RALYL: variants seen among roughly 807,000 people sequenced by gnomAD.
The protein encoded by RALYL is RALY RNA binding protein like, also known as RNA-binding Raly-like protein.
A neutral mutation model predicts 35.1 loss-of-function variants in RALYL; 29 were observed. The observed-to-expected ratio is 0.83, with a 90% CI of 0.61 to 1.13. The LOEUF is 1.13. RALYL is among the 50% of genes most tolerant of loss of function. RALYL has a pLI of 0.00. For synonymous variants in RALYL, 120 were observed against 127.6 expected (o/e 0.94, Z 0.40); for missense variants, 359 against 360.4 (o/e 1.00, Z 0.03).
rs149488948 is a variant in RALYL at position 84,903,361 on chromosome 8, T to C, written c.858+15585T>C. Reference sequence around the variant, plus strand: ...AGAAGGGTTTGTCATTATTTAGCCATACAAAATCTGACCACAAATTCTAGA... The same window carrying C: ...AGAAGGGTTTGTCATTATTTAGCCACACAAAATCTGACCACAAATTCTAGA... On this transcript the variant is annotated intron_variant, in intron 8 of 8. Transcript: ENST00000521268. Among the ~76,000 whole-genome samples, 323 of 152,308 alleles carry C rather than the reference T, an allele frequency of 2.1e-3. 1 individual carries two copies. Among genetic ancestry groups the C allele is most frequent in the African/African-American group, 7.3e-3 (303 of 41,576 alleles).
At chr8:84,848,740 G>C (rs1433288668) in intron 4 of RALYL, among the ~76,000 whole-genome samples, 3 of 152,144 alleles carry the variant, frequency 2.0e-5, no homozygotes, top group Non-Finnish European at 4.4e-5. Flanking sequence ...TTTTGTGAAT[G>C]TACTTAACGC....
intron 2 of RALYL, among the ~76,000 whole-genome samples, chr8:84,562,642 C>A (rs2061536637): frequency 6.7e-6 from 1 of 148,806 alleles, no homozygotes; most frequent in Non-Finnish European, 1.5e-5. Flanking sequence ...CTACTTGCCA[C>A]TTTTGCCTTT....
chr8:84,888,672 T>C (rs1031947299), intron 8 of RALYL, among the ~76,000 whole-genome samples: 3 of 152,222 alleles, frequency 2.0e-5, no homozygotes, highest in African/African-American at 4.8e-5. Context: ...GACAGCTGAA[T>C]TGCATAGATT....
chr8:84,912,478 T>C (rs1345156122), intron 8 of RALYL, among the ~76,000 whole-genome samples: 2 of 152,242 alleles, frequency 1.3e-5, no homozygotes, highest in African/African-American at 2.4e-5. Context: ...ATTAAAGTTA[T>C]GTGCACATAT....
At chr8:84,447,824 T>C (rs572906267) in intron 1 of RALYL, among the ~76,000 whole-genome samples, 4 of 152,170 alleles carry the variant, frequency 2.6e-5, no homozygotes, top group African/African-American at 7.2e-5. Context: ...GTTATGTGTT[T>C]GTTCATTAAA....
intron 1 of RALYL, among the ~76,000 whole-genome samples, chr8:84,496,943 T>C (rs893271098): frequency 1.3e-5 from 2 of 152,198 alleles, no homozygotes; most frequent in Non-Finnish European, 2.9e-5. Flanking sequence ...TCTTGTTTGA[T>C]TGGAATTTCT....
At chr8:84,671,657 T>C (rs1833266760) in intron 2 of RALYL, among the ~76,000 whole-genome samples, 1 of 152,182 alleles carries the variant, frequency 6.6e-6, no homozygotes, top group Non-Finnish European at 1.5e-5. Flanking sequence ...ACCTGAGCTG[T>C]ACCTTGGCAC....
At chr8:84,564,646 C>A (rs560836031) in intron 2 of RALYL, among the ~76,000 whole-genome samples, 1 of 151,550 alleles carries the variant, frequency 6.6e-6, no homozygotes, top group Non-Finnish European at 1.5e-5. Flanking sequence ...CCTGAATTGT[C>A]GGTTACTTTT....
intron 1 of RALYL, among the ~76,000 whole-genome samples, chr8:84,423,729 T>G (rs1038174828): frequency 1.3e-5 from 2 of 151,918 alleles, no homozygotes; most frequent in African/African-American, 4.8e-5. Flanking sequence ...TCAGGAGCTC[T>G]TTTAGGGCAG....
intron 2 of RALYL, among the ~76,000 whole-genome samples, chr8:84,609,655 T>C (rs2130859639): frequency 6.6e-6 from 1 of 152,164 alleles, no homozygotes; most frequent in South Asian, 2.1e-4. Context: ...CACTGCAGAG[T>C]TCCTATATAA....
At chr8:84,569,846 C>T (rs1252224) in intron 2 of RALYL, among the ~76,000 whole-genome samples, 28,603 of 151,694 alleles carry the variant, frequency 0.19, 2,959 homozygotes, top group Non-Finnish European at 0.23. Context: ...AGTAAGTTGT[C>T]ATTTTGCCAT....
At chr8:84,457,681 A>T (rs946744138) in intron 1 of RALYL, among the ~76,000 whole-genome samples, 13 of 151,790 alleles carry the variant, frequency 8.6e-5, no homozygotes, top group African/African-American at 3.1e-4. Context: ...AATCCTGTTG[A>T]TTACATAATT....
chr8:84,303,855 T>A (rs1454782658), intron 1 of RALYL, among the ~76,000 whole-genome samples: 1 of 152,200 alleles, frequency 6.6e-6, no homozygotes, highest in Non-Finnish European at 1.5e-5. Flanking sequence ...AGTGCACATT[T>A]CTACGACCTA....
intron 2 of RALYL, among the ~76,000 whole-genome samples, chr8:84,718,905 A>G (rs917284287): frequency 3.3e-5 from 5 of 152,206 alleles, no homozygotes; most frequent in African/African-American, 1.2e-4. Context: ...AGATTAGTAT[A>G]TGATACTGAA....
intron 2 of RALYL, among the ~76,000 whole-genome samples, chr8:84,691,929 G>A (rs1043596311): frequency 6.6e-6 from 1 of 151,932 alleles, no homozygotes; most frequent in African/African-American, 2.4e-5. Context: ...TTCTAGAAAT[G>A]CAGATATGGT....
chr8:84,457,536 G>GC, intron 1 of RALYL, among the ~76,000 whole-genome samples: 1 of 151,932 alleles, frequency 6.6e-6, no homozygotes, highest in East Asian at 1.9e-4. Context: ...CCTTTAGAAA[G>GC]TTTTTTTCAC....
At chr8:84,591,824 G>A (rs955517551) in intron 2 of RALYL, among the ~76,000 whole-genome samples, 1 of 152,188 alleles carries the variant, frequency 6.6e-6, no homozygotes, top group African/African-American at 2.4e-5. Flanking sequence ...GATCCAGTGT[G>A]TCGAAGTGAC....
At chr8:84,561,870 GA>G (rs1321346459) in intron 2 of RALYL, among the ~76,000 whole-genome samples, 24 of 151,918 alleles carry the variant, frequency 1.6e-4, no homozygotes, top group African/African-American at 5.6e-4. Context: ...TTTATTTCTG[GA>G]ATTTTCCAAT....
intron 2 of RALYL, among the ~76,000 whole-genome samples, chr8:84,732,686 A>G (rs1229026396): frequency 6.9e-6 from 1 of 143,926 alleles, no homozygotes; most frequent in African/African-American, 2.7e-5. Context: ...ATATATATAC[A>G]CACACACACA....
Sources: gnomAD v4.1 joint callset for allele counts (sites outside exome capture counted in the v4.1 genomes callset) on GRCh38, gnomAD v4.1.1 for gene constraint, MANE v1.5 for transcripts, NCBI Gene and HGNC (gene_info 2026-07-23, HGNC 2026-07-21) for gene names.